The following CEP72 variants were observed in gnomAD, a reference collection of about 807,000 sequenced individuals.
CEP72 encodes centrosomal protein of 72 kDa.
A neutral mutation model predicts 65.7 loss-of-function variants in CEP72; 78 were observed. That is an observed-to-expected ratio of 1.19 (90% CI 0.99 to 1.43). The LOEUF (loss-of-function observed/expected upper bound fraction) is 1.43, where lower values mean the gene tolerates loss of function less well. CEP72 is among the 40% of genes most tolerant of loss of function. CEP72 has a pLI of 0.00. For missense variants in CEP72, 914 were observed against 832.9 expected, an observed-to-expected ratio of 1.10 and a Z score of -1.20; for synonymous variants, 358 against 351.7, an observed-to-expected ratio of 1.02 and a Z score of -0.20.
rs1473674054 is a variant in CEP72, at chr5:641,752, G to A, written c.1539+1148G>A. On this transcript the variant is annotated intron_variant, in intron 9 of 11. Transcript: ENST00000264935. ...ATGGCCCCCCATCCCCCATCCAGAA[G>A]CCTGTGCATTTAAGCACACGTGGTC... 3.1e-6 allele frequency: 3 copies of A among 981,500 alleles called. No individual in the cohort carries two copies. The African/African-American group carries it at 5.4e-5, about 18-fold the overall frequency. 60.8% of individuals were successfully genotyped at this position (981,500 alleles called of 1,614,324 possible). A position where few individuals can be genotyped will look rare whatever the true frequency, so the allele number is the denominator to read the frequency against.
downstream of CEP72, among the ~76,000 whole-genome samples, chr5:655,025 A>G (rs1404960988): frequency 6.6e-5 from 10 of 152,224 alleles, no homozygotes; most frequent in Admixed American, 6.5e-4. The surrounding 1 kb of genome is among the most constrained non-coding windows in gnomAD (Gnocchi z 5.0). Flanking sequence ...AAGCTTGTAT[A>G]GTGAATTTTT....
chr5:615,336 A>AT (rs1337326730), intron 1 of CEP72, among the ~76,000 whole-genome samples: 1 of 151,968 alleles, frequency 6.6e-6, no homozygotes, highest in Non-Finnish European at 1.5e-5. Flanking sequence ...GGGTTTCACC[A>AT]TGTTGGCCAG....
chr5:635,840 G>C (rs554161056), intron 6 of CEP72, among the ~76,000 whole-genome samples: 1 of 152,264 alleles, frequency 6.6e-6, no homozygotes, highest in Non-Finnish European at 1.5e-5. Context: ...CAGCATTCCT[G>C]CCTCCCTGCG....
intron 8 of CEP72, 59 bp from the exon 9 acceptor site, chr5:640,349 T>G (rs1470406884): frequency 6.4e-7 from 1 of 1,567,404 alleles, no homozygotes; most frequent in East Asian, 2.3e-5. Context: ...GAGCCGATTT[T>G]GTTTACATTT....
Position 637,499 on chromosome 5 carries a change from A to G in CEP72, c.905-18A>G. 1 of 1,601,434 alleles carries G rather than the reference A, an allele frequency of 6.2e-7. No homozygotes were observed. The highest frequency in any genetic ancestry group is 8.5e-7 in the Non-Finnish European group (1 of 1,171,604). On this transcript the variant is annotated intron_variant, in intron 6 of 11. Coordinates refer to ENST00000264935, the MANE Select transcript of CEP72 (RefSeq NM_018140.4). ...GAGAATTTGGCCTGACGTGCGCCCC[A>G]TCCTCTCTATATCTCAGACTCCATG...
In CEP72 at chr5:640,448, A is replaced by T. The variant is rs1352719927; in HGVS notation, c.1383A>T (p.Thr461=). 6.2e-7 allele frequency: 1 copy of T among 1,614,092 alleles called. No individual in the cohort carries two copies. The highest frequency in any genetic ancestry group is 2.2e-5 in the East Asian group (1 of 44,900). ...TCTTGTCATCTGTTGAAGAATTCAC[A>T]GCAGCTCAGGACAGCTCTGCGATGG... ...RHILSSVEEF[T]AAQDSSAMVG... The change falls in exon 9 of 12, where the codon ACA becomes ACT. Residue 461 remains threonine, a synonymous_variant. Transcript: ENST00000264935.
In CEP72 at chr5:645,894, C is replaced by T. The variant is rs1241129798; in HGVS notation, c.1666+1469C>T. Among the ~76,000 whole-genome samples, 1 of 151,508 alleles carries T rather than the reference C, an allele frequency of 6.6e-6. No homozygotes were observed. The highest frequency in any genetic ancestry group is 1.5e-5 in the Non-Finnish European group (1 of 67,852). ...GTGTGAGCGTCACTCCTGCTCCCGT[C>T]GGCGGCCTGTGTGGACGGTGAATTC... On this transcript the variant is annotated intron_variant, in intron 10 of 11. Transcript: ENST00000264935. This position sits in a 1 kb window ranked among gnomAD's most constrained non-coding sequence, Gnocchi z 4.0.
intron 4 of CEP72, among the ~76,000 whole-genome samples, chr5:628,601 C>T (rs58972750): frequency 2.7e-3 from 181 of 66,238 alleles, no homozygotes; most frequent in African/African-American, 8.0e-3. Flanking sequence ...TGTGCAGCTT[C>T]TGGAGAACTC....
chr5:671,447 T>C (rs956272300), downstream of CEP72, among the ~76,000 whole-genome samples: 2 of 152,178 alleles, frequency 1.3e-5, no homozygotes, highest in African/African-American at 4.8e-5. Flanking sequence ...TCTGTGCACC[T>C]GAAGTCAGTT....
chr5:676,091 G>A, the CEP72 span: 1 of 152,194 alleles, frequency 6.6e-6, no homozygotes, highest in Non-Finnish European at 1.5e-5. Context: ...CCGTCCCCTA[G>A]AGCTGGGGGA....
chr5:636,112 A>G (rs779116333), intron 6 of CEP72, among the ~76,000 whole-genome samples: 1 of 152,256 alleles, frequency 6.6e-6, no homozygotes, highest in Non-Finnish European at 1.5e-5. Flanking sequence ...CCTTCGAACT[A>G]CAGCAACATG....
intron 11 of CEP72, among the ~76,000 whole-genome samples, chr5:649,063 T>C (rs1432090641): frequency 2.0e-4 from 24 of 121,604 alleles, no homozygotes; most frequent in South Asian, 5.6e-4. Context: ...GACTGTGAGG[T>C]GTGGACTGTG....
chr5:671,354 C>T (rs1479887842), downstream of CEP72, among the ~76,000 whole-genome samples: 1 of 152,062 alleles, frequency 6.6e-6, no homozygotes, highest in Non-Finnish European at 1.5e-5. Flanking sequence ...CCGGGCAGAT[C>T]TGAGGGGCCC....
At position 649,890 on chromosome 5, in the gene CEP72, C is replaced by T. The variant is rs1306400601; in HGVS notation, c.1778+1974C>T. Among the ~76,000 whole-genome samples the T allele has an allele frequency of 1.3e-4, 14 of 108,124 alleles. No homozygotes were observed. In the Admixed American group the frequency reaches 1.4e-3, roughly 11 times the overall value. The allele number at this position is 108,124 out of a possible 152,430, so 70.9% of individuals were successfully genotyped here. A position where few individuals can be genotyped will look rare whatever the true frequency, so the allele number is the denominator to read the frequency against. On this transcript the variant is annotated intron_variant, in intron 11 of 11. Coordinates refer to ENST00000264935, the MANE Select transcript of CEP72 (RefSeq NM_018140.4). Reference sequence around the variant, plus strand: ...CTGAGGTGTGGACTGTGAGGTGGGACTGTGAGGTGTGACTGAGGTGTGACT... The same window carrying T: ...CTGAGGTGTGGACTGTGAGGTGGGATTGTGAGGTGTGACTGAGGTGTGACT...
At chr5:629,491 C>T (rs1178357000) in intron 4 of CEP72, among the ~76,000 whole-genome samples, 1 of 120,658 alleles carries the variant, frequency 8.3e-6, no homozygotes, top group Non-Finnish European at 1.7e-5. Flanking sequence ...TGTCCAGTGC[C>T]GGGATTTGGA....
Position 624,378 on chromosome 5 carries a change from G to A in CEP72, c.404-93G>A. ...AGTGGGAGCAGGGCTGGCCCCGAGG[G>A]GATGGACACCCTGCCCCGTGTAGAT... On this transcript the variant is annotated intron_variant, in intron 3 of 11. Coordinates refer to ENST00000264935, the MANE Select transcript of CEP72 (RefSeq NM_018140.4). The surrounding 1 kb of genome is among the most constrained non-coding windows in gnomAD (Gnocchi z 4.7). 1 of 836,520 alleles carries A rather than the reference G, an allele frequency of 1.2e-6. No homozygotes were observed. The highest frequency in any genetic ancestry group is 2.0e-6 in the Non-Finnish European group (1 of 491,254). 51.8% of individuals were successfully genotyped at this position (836,520 alleles called of 1,614,324 possible). A position where few individuals can be genotyped will look rare whatever the true frequency, so the allele number is the denominator to read the frequency against.
chr5:641,374 GA>G (rs1251869794), intron 9 of CEP72: 1 of 985,370 alleles, frequency 1.0e-6, no homozygotes, highest in Non-Finnish European at 1.2e-6. Flanking sequence ...TGCACATCCA[GA>G]GGGGCCTTGT....
intron 6 of CEP72, among the ~76,000 whole-genome samples, chr5:637,068 G>C (rs904294767): frequency 3.9e-5 from 6 of 152,154 alleles, no homozygotes; most frequent in African/African-American, 1.2e-4. Context: ...GTGTCCTGGG[G>C]GCTTAGTGGT....
At chr5:672,569 A>G in the CEP72 span, among the ~76,000 whole-genome samples, 57,222 of 152,178 alleles carry the variant, frequency 0.38, 10,937 homozygotes, top group East Asian at 0.57. Context: ...CAAGGCTGGC[A>G]GACCCTCGCC....
Sources: gnomAD v4.1 joint callset for allele counts (sites outside exome capture counted in the v4.1 genomes callset) on GRCh38, gnomAD v4.1.1 for gene constraint, Gnocchi (gnomAD v3.1) non-coding constraint, MANE v1.5 for transcripts, NCBI Gene and HGNC (gene_info 2026-07-23, HGNC 2026-07-21) for gene names.